CATSPERE: variants seen among roughly 807,000 people sequenced by gnomAD.
CATSPERE encodes cation channel sperm-associated auxiliary subunit epsilon.
CATSPERE carries 93 observed loss-of-function variants against 114.1 expected under a neutral mutation model. The observed-to-expected ratio is 0.81, with a 90% CI of 0.69 to 0.97. The LOEUF (loss-of-function observed/expected upper bound fraction) is 0.97. CATSPERE is among the 50% of genes least tolerant of loss of function. The probability of loss-of-function intolerance (pLI) is 0.00; values close to 1 mark genes in which losing one functional copy is unlikely to be tolerated. For missense variants in CATSPERE, 1,058 were observed against 1,131.6 expected, an observed-to-expected ratio of 0.93 and a Z score of 0.93; for synonymous variants, 341 against 384.1, an observed-to-expected ratio of 0.89 and a Z score of 1.31.
In CATSPERE at chr1:244,571,579, A is replaced by T. The variant is rs530830043; in HGVS notation, c.1508-751A>T. ...AACCTGCAGAGGTAGGCTATGCTTT[A>T]TACCACTCTCACCCCCACTCACCTC... On this transcript the variant is annotated intron_variant, in intron 10 of 21. Transcript: ENST00000366534. 1.8e-4 allele frequency among the ~76,000 whole-genome samples: 27 copies of T among 152,322 alleles called. 1 individual carries two copies. Among genetic ancestry groups the T allele is most frequent in the Non-Finnish European group, 3.4e-4 (23 of 68,028 alleles).
chr1:244,615,239 C>CAAAAAAA (rs568497256), intron 19 of CATSPERE, among the ~76,000 whole-genome samples: 1 of 69,284 alleles, frequency 1.4e-5, no homozygotes, highest in African/African-American at 4.5e-5. Context: ...TTGGGCAGAC[C>CAAAAAAA]AAAAAAAAAA....
chr1:244,528,913 G>A (rs943969580), intron 8 of CATSPERE, among the ~76,000 whole-genome samples: 3 of 151,908 alleles, frequency 2.0e-5, no homozygotes, highest in Admixed American at 2.0e-4. Flanking sequence ...CCACAAATAA[G>A]TGAGAATATG....
chr1:244,463,952 G>T lies in CATSPERE; in HGVS notation c.110G>T (p.Ser37Ile). Residue 37 changes from serine (S) to isoleucine (I), a missense_variant, in exon 2 of 22, where the codon AGT (serine) becomes ATT (isoleucine). Around this residue, in one of 2 missense-constraint regions of CATSPERE, gnomAD observed 271 missense variants for 225.9 expected, o/e 1.20. Coordinates refer to ENST00000366534, the MANE Select transcript of CATSPERE (RefSeq NM_001130957.2). ...SPNYRIFSTRSTIKLEYEGTL... is the reference protein window; with the variant it reads ...SPNYRIFSTRITIKLEYEGTL... The stretch of plus-strand genomic sequence containing the variant: ...AACTATCGCATTTTTAGTACCAGAA[G>T]TACTGTAAGTGTTGAATTTTTAATA... 1.3e-6 allele frequency: 2 copies of T among 1,597,504 alleles called. No homozygotes were observed. The highest frequency in any genetic ancestry group is 1.7e-6 in the Non-Finnish European group (2 of 1,165,524).
At chr1:244,466,294 G>A (rs184309473) in intron 2 of CATSPERE, among the ~76,000 whole-genome samples, 3 of 152,198 alleles carry the variant, frequency 2.0e-5, no homozygotes, top group Admixed American at 1.3e-4. Context: ...TATCTCAGTG[G>A]GGATGCCACT....
intron 8 of CATSPERE, among the ~76,000 whole-genome samples, chr1:244,536,291 C>G (rs1040813051): frequency 5.3e-5 from 8 of 152,088 alleles, no homozygotes; most frequent in African/African-American, 1.9e-4. Flanking sequence ...GAATGCCACC[C>G]CTGTCCACTG....
chr1:244,528,543 T>G (rs3003258), intron 8 of CATSPERE, among the ~76,000 whole-genome samples: 19,464 of 151,962 alleles, frequency 0.13, 2,148 homozygotes, highest in African/African-American at 0.3. Context: ...ATATATTTTG[T>G]GGGTTTATGA....
At chr1:244,567,838 A>G (rs1663827524) in intron 10 of CATSPERE, among the ~76,000 whole-genome samples, 2 of 151,880 alleles carry the variant, frequency 1.3e-5, no homozygotes, top group East Asian at 3.9e-4. Flanking sequence ...AAGCCTACTT[A>G]TGTCAGTTCA....
At chr1:244,508,441 T>C (rs1049127524) in intron 7 of CATSPERE, among the ~76,000 whole-genome samples, 14 of 151,382 alleles carry the variant, frequency 9.2e-5, no homozygotes, top group South Asian at 2.1e-4. Flanking sequence ...GCTGGGACTA[T>C]AGGCACCCGC....
chr1:244,588,614 A>C, intron 14 of CATSPERE, 80 bp downstream of exon 14: 1 of 1,054,314 alleles, frequency 9.5e-7, no homozygotes, highest in Non-Finnish European at 1.5e-6. Flanking sequence ...TGCTAGTGAT[A>C]ATAGCCTAAT....
chr1:244,552,560 A>T lies in CATSPERE; in HGVS notation c.775A>T (p.Thr259Ser). 1 of 1,614,150 alleles carries T rather than the reference A, an allele frequency of 6.2e-7. No homozygotes were observed. The highest frequency in any genetic ancestry group is 8.5e-7 in the Non-Finnish European group (1 of 1,180,034). Reference sequence around the variant, plus strand: ...TGCTGTTTTGGTGACAGATATGGAGACCTTTCACACAACTGATTCATTCAA... The same window carrying T: ...TGCTGTTTTGGTGACAGATATGGAGTCCTTTCACACAACTGATTCATTCAA... The part of the protein sequence containing the change: ...ASAVLVTDME[T>S]FHTTDSFKSW... The change falls in exon 9 of 22, where the codon ACC becomes TCC. Residue 259 changes from threonine (T) to serine (S), a missense_variant. Thr to Ser is a moderately conservative substitution (Grantham distance 58, BLOSUM62 1). Around this residue, in one of 2 missense-constraint regions of CATSPERE, gnomAD observed 787 missense variants for 905.6 expected, o/e 0.87. Transcript: ENST00000366534.
intron 2 of CATSPERE, among the ~76,000 whole-genome samples, chr1:244,464,280 A>G (rs961552415): frequency 6.6e-6 from 1 of 152,228 alleles, no homozygotes; most frequent in Non-Finnish European, 1.5e-5. Context: ...ACAGGTATAA[A>G]TTAGAACTGT....
rs771889658 is a variant in CATSPERE, at chr1:244,593,568, G to T, written c.2293G>T (p.Val765Leu). The change falls in exon 17 of 22, where the codon GTG (valine) becomes TTG (leucine). Residue 765 changes from valine (V) to leucine (L), a missense_variant. Around this residue, in one of 2 missense-constraint regions of CATSPERE, gnomAD observed 787 missense variants for 905.6 expected, o/e 0.87. Transcript: ENST00000366534. ...TGACTTCACAGAAAAGTTTCAACCT[G>T]TGGTTCAACTGTAAGTATATTCTCA... is the stretch of plus-strand genomic sequence containing the variant. ...RLDFTEKFQP[V>L]VQLFDDNGYV... 6 of 1,612,880 alleles carry T rather than the reference G, an allele frequency of 3.7e-6. No homozygotes were observed. The Admixed American group carries it at 1.0e-4, about 27-fold the overall frequency.
intron 10 of CATSPERE, among the ~76,000 whole-genome samples, chr1:244,569,979 TTC>T (rs536526766): frequency 6.6e-6 from 1 of 152,206 alleles, no homozygotes; most frequent in Non-Finnish European, 1.5e-5. Flanking sequence ...AGAAGGACTT[TTC>T]TGTTTTTTCA....
At chr1:244,484,531 G>A (rs1022985640) in intron 5 of CATSPERE, among the ~76,000 whole-genome samples, 10 of 152,180 alleles carry the variant, frequency 6.6e-5, no homozygotes, top group Non-Finnish European at 1.3e-4. Context: ...TTATTTTAAA[G>A]TATTTTATGT....
intron 8 of CATSPERE, among the ~76,000 whole-genome samples, chr1:244,531,235 C>CAAAAA (rs60936159): frequency 1.7e-5 from 1 of 60,352 alleles, no homozygotes; most frequent in African/African-American, 4.2e-5. Flanking sequence ...GACTCAGTCT[C>CAAAAA]AAAAAAAAAA....
At chr1:244,574,750 GC>G (rs1376641744) in intron 11 of CATSPERE, among the ~76,000 whole-genome samples, 2 of 152,154 alleles carry the variant, frequency 1.3e-5, no homozygotes, top group African/African-American at 4.8e-5. Flanking sequence ...TGATGGGTCA[GC>G]TCTTGGAAGT....
At chr1:244,466,071 C>A (rs966174091) in intron 2 of CATSPERE, among the ~76,000 whole-genome samples, 10 of 152,148 alleles carry the variant, frequency 6.6e-5, no homozygotes, top group African/African-American at 2.2e-4. Context: ...AATGCCTTTT[C>A]ACAGTCTACA....
intron 17 of CATSPERE, among the ~76,000 whole-genome samples, chr1:244,604,774 A>G (rs1669753046): frequency 6.6e-6 from 1 of 152,264 alleles, no homozygotes; most frequent in Non-Finnish European, 1.5e-5. Flanking sequence ...GACTTTATCA[A>G]GAATTGAACT....
rs537234843 is a variant in CATSPERE at position 244,550,390 on chromosome 1, G to A, written c.537-1932G>A. On this transcript the variant is annotated intron_variant, in intron 8 of 21. Coordinates refer to ENST00000366534, the MANE Select transcript of CATSPERE (RefSeq NM_001130957.2). ...TGGAAAGCCAAAAAATTTCTGAAAA[G>A]CGTATAGTCACAGTTTTAAAAATTA... Among the ~76,000 whole-genome samples the A allele has an allele frequency of 4.6e-4, 70 of 152,262 alleles. 2 individuals are homozygous for A. In the South Asian group the frequency reaches 0.014, roughly 30 times the overall value.
Sources: allele counts gnomAD v4.1 joint callset (sites outside exome capture counted in the v4.1 genomes callset), GRCh38; gene constraint gnomAD v4.1.1; regional missense constraint gnomAD v4.1.1; transcripts MANE v1.5; gene names NCBI Gene and HGNC (gene_info 2026-07-23, HGNC 2026-07-21).